MYO5C: variants seen among roughly 807,000 people sequenced by gnomAD.
MYO5C encodes myosin VC.
Under a neutral mutation model 235.7 loss-of-function variants are expected in MYO5C, and 194 were observed. That is an observed-to-expected ratio of 0.82 (90% CI 0.73 to 0.93). The LOEUF (loss-of-function observed/expected upper bound fraction) is 0.93, where lower values mean the gene tolerates loss of function less well. MYO5C is among the 40% of genes least tolerant of loss of function. MYO5C has a pLI of 0.00. For synonymous variants in MYO5C, 707 were observed against 754.8 expected, an observed-to-expected ratio of 0.94 and a Z score of 1.04; for missense variants, 2,038 against 2,127.2, an observed-to-expected ratio of 0.96 and a Z score of 0.82.
chr15:52,264,129 T>A, intron 9 of MYO5C, 61 bp downstream of exon 9: 1 of 1,314,178 alleles, frequency 7.6e-7, no homozygotes, highest in Non-Finnish European at 1.1e-6. Flanking sequence ...GCAGGTCAGC[T>A]GCGAGCCAGT....
intron 32 of MYO5C, among the ~76,000 whole-genome samples, chr15:52,215,797 C>T (rs946452830): frequency 6.6e-6 from 1 of 152,100 alleles, no homozygotes; most frequent in Non-Finnish European, 1.5e-5. Flanking sequence ...AATTTCAAAT[C>T]CTACATTTTT....
chr15:52,256,738 C>G lies in MYO5C; in HGVS notation c.1314-18G>C, dbSNP rs1566982240. ...TTTCAAAACTGAAATACAATTTAAA[C>G]AAGTTAAAATATAACCTGAAGCAAG... is the stretch of plus-strand genomic sequence containing the variant. On this transcript the variant is annotated intron_variant, in intron 10 of 40. Coordinates refer to ENST00000261839, the MANE Select transcript of MYO5C (RefSeq NM_018728.4). 6.3e-7 allele frequency: 1 copy of G among 1,590,170 alleles called. No homozygotes were observed. Among genetic ancestry groups the G allele is most frequent in the Non-Finnish European group, 8.6e-7 (1 of 1,159,288 alleles).
At position 52,232,605 on chromosome 15, in the gene MYO5C, C is replaced by G; in HGVS notation, c.3026+17G>C. Reference sequence around the variant, plus strand: ...CAGAAGAAAGAAAGTAGCTTTAAGGCAAACTAGATTCCATACATTCTTTGC... The same window carrying G: ...CAGAAGAAAGAAAGTAGCTTTAAGGGAAACTAGATTCCATACATTCTTTGC... On this transcript the variant is annotated intron_variant, in intron 24 of 40. Transcript: ENST00000261839. 1 of 1,612,606 alleles carries G rather than the reference C, an allele frequency of 6.2e-7. No homozygotes were observed. Among genetic ancestry groups the G allele is most frequent in the Non-Finnish European group, 8.5e-7 (1 of 1,178,928 alleles).
At position 52,205,788 on chromosome 15, in the gene MYO5C, A is replaced by G. The variant is rs780112358; in HGVS notation, c.4537+28T>C. The G allele has an allele frequency of 1.4e-6, 2 of 1,385,654 alleles. 1 individual carries two copies. Among genetic ancestry groups the G allele is most frequent in the South Asian group, 2.9e-5 (2 of 68,884 alleles). 85.8% of individuals were successfully genotyped at this position (1,385,654 alleles called of 1,614,324 possible). A position where few individuals can be genotyped will look rare whatever the true frequency, so the allele number is the denominator to read the frequency against. On this transcript the variant is annotated intron_variant, in intron 37 of 40. Coordinates refer to ENST00000261839, the MANE Select transcript of MYO5C (RefSeq NM_018728.4). ...AAAAAGTCTTAATGTTACTATAAAT[A>G]TTTTTTGGTCATCCATTCTCTTCTT... is the stretch of plus-strand genomic sequence containing the variant.
intron 2 of MYO5C, among the ~76,000 whole-genome samples, chr15:52,282,277 C>T (rs1038790554): frequency 6.6e-6 from 1 of 152,166 alleles, no homozygotes; most frequent in South Asian, 2.1e-4. Context: ...TATCTGTGGA[C>T]CGACTCCCTC....
intron 4 of MYO5C, 46 bp downstream of exon 4, chr15:52,278,827 G>A: frequency 6.2e-7 from 1 of 1,604,052 alleles, no homozygotes; most frequent in Non-Finnish European, 8.5e-7. Flanking sequence ...GCAAATGCAG[G>A]GAGCATTGGC....
Position 52,227,550 on chromosome 15 carries a change from G to C in MYO5C, c.3207+1583C>G, listed in dbSNP as rs924883624. Reference sequence around the variant, plus strand: ...GAGTGAACCAGTCTTAGCTACCAAAGAGGAAGTGAGTGACACCTACTGGTA... The same window carrying C: ...GAGTGAACCAGTCTTAGCTACCAAACAGGAAGTGAGTGACACCTACTGGTA... On this transcript the variant is annotated intron_variant, in intron 25 of 40. Coordinates refer to ENST00000261839, the MANE Select transcript of MYO5C (RefSeq NM_018728.4). Among the ~76,000 whole-genome samples the C allele has an allele frequency of 3.3e-5, 5 of 152,034 alleles. No homozygotes were observed. The East Asian group carries it at 9.7e-4, about 29-fold the overall frequency.
intron 8 of MYO5C, among the ~76,000 whole-genome samples, chr15:52,267,691 A>G (rs2036840778): frequency 6.6e-6 from 1 of 152,260 alleles, no homozygotes. Context: ...ATCTCAAAAA[A>G]AGACACCAAG....
In MYO5C at chr15:52,193,587, A is replaced by G. The variant is rs2034982134; in HGVS notation, c.*315T>C. The G allele has an allele frequency of 4.2e-6, 1 of 235,620 alleles. No homozygotes were observed. Among genetic ancestry groups the G allele is most frequent in the Non-Finnish European group, 8.1e-6 (1 of 124,050 alleles). The allele number at this position is 235,620 out of a possible 1,614,324, so 14.6% of individuals were successfully genotyped here. ...CCCAGATCTCACTCCCTCCTGGTAG[A>G]GCCCTGCCACAAGACAGAACAGATC... On this transcript the variant is annotated 3_prime_UTR_variant, in exon 41 of 41. Transcript: ENST00000261839.
intron 9 of MYO5C, among the ~76,000 whole-genome samples, chr15:52,262,279 G>A (rs2036714989): frequency 6.6e-6 from 1 of 152,142 alleles, no homozygotes; most frequent in South Asian, 2.1e-4. Flanking sequence ...TATAGGACTG[G>A]GAATTTTCTA....
At chr15:52,226,861 G>A (rs2035834723) in intron 25 of MYO5C, among the ~76,000 whole-genome samples, 1 of 152,126 alleles carries the variant, frequency 6.6e-6, no homozygotes, top group African/African-American at 2.4e-5. Flanking sequence ...TTGAAAACCA[G>A]AGTAGGCTGG....
intron 15 of MYO5C, among the ~76,000 whole-genome samples, chr15:52,247,215 C>T (rs2036367739): frequency 6.6e-6 from 1 of 152,174 alleles, no homozygotes; most frequent in Admixed American, 6.5e-5. Context: ...ACTAATACTC[C>T]CAGACAGCAG....
intron 14 of MYO5C, 133 bp from the exon 15 acceptor site, chr15:52,247,725 C>A: frequency 1.1e-6 from 1 of 911,486 alleles, no homozygotes; most frequent in Non-Finnish European, 1.6e-6. Flanking sequence ...CATCTACAGC[C>A]AAATCTCAAT....
intron 24 of MYO5C, 59 bp from the exon 25 acceptor site, chr15:52,229,372 C>A: frequency 6.5e-7 from 1 of 1,547,836 alleles, no homozygotes; most frequent in South Asian, 1.2e-5. Context: ...AACCTGTAAT[C>A]CCAGCACTTT....
chr15:52,243,342 G>T (rs547842539), intron 19 of MYO5C: 93 of 152,664 alleles, frequency 6.1e-4, no homozygotes, highest in Non-Finnish European at 1.2e-3. Flanking sequence ...AAATGAATGG[G>T]ATAGGCAGGA....
intron 36 of MYO5C, among the ~76,000 whole-genome samples, chr15:52,207,454 T>C (rs1280077425): frequency 1.3e-5 from 2 of 152,238 alleles, no homozygotes; most frequent in Non-Finnish European, 2.9e-5. Flanking sequence ...CTAGACAGAT[T>C]GCTGTTATAT....
At chr15:52,247,400 G>GCTCCCCAGGGCCTGGCCCTGC (rs2036373843) in intron 15 of MYO5C, 58 bp downstream of exon 15, 2 of 1,574,686 alleles carry the variant, frequency 1.3e-6, no homozygotes, top group Non-Finnish European at 1.7e-6. Context: ...GAGTGCCCTG[G>GCTCCCCAGGGCCTGGCCCTGC]CTCCCCAGGG....
intron 40 of MYO5C, 87 bp from the exon 41 acceptor site, chr15:52,194,141 A>C: frequency 6.3e-6 from 8 of 1,261,160 alleles, no homozygotes; most frequent in Non-Finnish European, 6.7e-6. Flanking sequence ...AAACACAGCT[A>C]TCTCTAGTGG....
intron 33 of MYO5C, 41 bp from the exon 34 acceptor site, chr15:52,213,327 A>G: frequency 6.9e-7 from 1 of 1,448,476 alleles, no homozygotes; most frequent in Non-Finnish European, 9.7e-7. Context: ...ACACAAAAGC[A>G]GCTTTCACAG....
Sources: allele counts gnomAD v4.1 joint callset (sites outside exome capture counted in the v4.1 genomes callset), GRCh38; gene constraint gnomAD v4.1.1; transcripts MANE v1.5; gene names NCBI Gene and HGNC (gene_info 2026-07-23, HGNC 2026-07-21).